Variants in SIRT1 observed in about 807,000 individuals in gnomAD.
The protein encoded by SIRT1 is NAD-dependent protein deacetylase sirtuin-1.
SIRT1 carries 24 observed loss-of-function variants against 67.9 expected under a neutral mutation model. The observed-to-expected ratio is 0.35, with a 90% CI of 0.26 to 0.50. The LOEUF (loss-of-function observed/expected upper bound fraction) is 0.50. SIRT1 is among the 20% of genes least tolerant of loss of function. The pLI, the probability that SIRT1 is intolerant of heterozygous loss-of-function variation, is 0.98. For synonymous variants in SIRT1, 378 were observed against 350.7 expected (o/e 1.08, Z -0.87); for missense variants, 873 against 937.2 (o/e 0.93, Z 0.89).
chr10:67,911,217 C>T (rs1190240093), intron 7 of SIRT1, among the ~76,000 whole-genome samples: 4 of 152,086 alleles, frequency 2.6e-5, no homozygotes, highest in African/African-American at 9.7e-5. Flanking sequence ...TTTTTAGAGA[C>T]GGGTGTCTTG....
chr10:67,909,520 A>T, intron 7 of SIRT1, 78 bp downstream of exon 7: 1 of 1,169,200 alleles, frequency 8.6e-7, no homozygotes, highest in Non-Finnish European at 1.2e-6. Context: ...AGACGCTAGT[A>T]ATCTTAACTC....
Position 67,884,989 on chromosome 10 carries a change from C to T in SIRT1, c.268C>T (p.Gln90Ter). ...AGAGGCGGCGGCGGCAGGCGGGGAG[C>T]AAGAGGCCCAGGCGACTGCGGCGGC... is the stretch of plus-strand genomic sequence containing the variant. ...EAEAAAAGGE[Q>*]EAQATAAAGE... The change falls in exon 1 of 9, where the codon CAA (glutamine) becomes TAA (stop). Residue 90 changes from glutamine (Q) to a stop codon, truncating the protein, a stop_gained. Coordinates refer to ENST00000212015, the MANE Select transcript of SIRT1 (RefSeq NM_012238.5). LOFTEE classifies it high-confidence loss of function. 7.8e-7 allele frequency: 1 copy of T among 1,274,130 alleles called. No individual in the cohort carries two copies. The highest frequency in any genetic ancestry group is 9.9e-7 in the Non-Finnish European group (1 of 1,006,498). 78.9% of individuals were successfully genotyped at this position (1,274,130 alleles called of 1,614,324 possible).
rs983419468 is a variant in SIRT1, at chr10:67,918,102, A to G, written c.*1509A>G. ...TGTCTCAATCTGAATTTATTTGGCT[A>G]CACTAAAGAATGCAGTATATTTAGT... is the stretch of plus-strand genomic sequence containing the variant. On this transcript the variant is annotated 3_prime_UTR_variant, in exon 9 of 9. Transcript: ENST00000212015. The G allele has an allele frequency of 1.3e-5, 2 of 152,670 alleles. No homozygotes were observed. The highest frequency in any genetic ancestry group is 2.9e-5 in the Non-Finnish European group (2 of 68,034). The allele number at this position is 152,670 out of a possible 1,614,324, so 9.5% of individuals were successfully genotyped here. A position where few individuals can be genotyped will look rare whatever the true frequency, so the allele number is the denominator to read the frequency against.
chr10:67,892,691 T>C (rs1414131934), intron 4 of SIRT1, among the ~76,000 whole-genome samples: 1 of 152,014 alleles, frequency 6.6e-6, no homozygotes. Flanking sequence ...AACCTCTGCC[T>C]CCCAGGTTCA....
At chr10:67,891,158 A>G (rs896524193) in intron 3 of SIRT1, among the ~76,000 whole-genome samples, 2 of 152,174 alleles carry the variant, frequency 1.3e-5, no homozygotes, top group African/African-American at 4.8e-5. Context: ...AAGGCTTAAA[A>G]TTGGCCTGAC....
chr10:67,905,870 A>G (rs1564890632), intron 4 of SIRT1, among the ~76,000 whole-genome samples: 2 of 152,094 alleles, frequency 1.3e-5, no homozygotes, highest in African/African-American at 4.8e-5. Context: ...TACATATTCC[A>G]CTATTATGGA....
chr10:67,891,188 G>A (rs533022040), intron 3 of SIRT1, among the ~76,000 whole-genome samples: 1 of 152,164 alleles, frequency 6.6e-6, no homozygotes, highest in South Asian at 2.1e-4. Context: ...CCTTATCTGT[G>A]TTAAAGATGG....
intron 4 of SIRT1, among the ~76,000 whole-genome samples, chr10:67,893,527 G>T (rs1589071437): frequency 6.7e-6 from 1 of 149,146 alleles, no homozygotes; most frequent in African/African-American, 2.5e-5. Flanking sequence ...GAATCCAGAA[G>T]TTAATGAACC....
At chr10:67,900,908 T>A (rs1300454628) in intron 4 of SIRT1, among the ~76,000 whole-genome samples, 1 of 152,214 alleles carries the variant, frequency 6.6e-6, no homozygotes, top group African/African-American at 2.4e-5. Context: ...TCAAATTTTA[T>A]TTTTATGGAT....
At chr10:67,902,379 ATTAATT>A (rs1247402825) in intron 4 of SIRT1, among the ~76,000 whole-genome samples, 1 of 152,216 alleles carries the variant, frequency 6.6e-6, no homozygotes, top group Non-Finnish European at 1.5e-5. Context: ...CCTGCTAATA[ATTAATT>A]TTAAATGACT....
intron 6 of SIRT1, 142 bp downstream of exon 6, chr10:67,908,267 G>A (rs1046290853): frequency 1.6e-6 from 1 of 620,928 alleles, no homozygotes; most frequent in Non-Finnish European, 2.7e-6. Context: ...GGGAATTTTG[G>A]TAAAATACAC....
chr10:67,899,178 C>T (rs1046767242), intron 4 of SIRT1, among the ~76,000 whole-genome samples: 7 of 151,872 alleles, frequency 4.6e-5, no homozygotes, highest in Non-Finnish European at 1.0e-4. Context: ...TCTATTAGGG[C>T]TGGGTGCAGT....
chr10:67,898,258 CA>C (rs756541937), intron 4 of SIRT1, among the ~76,000 whole-genome samples: 102 of 66,728 alleles, frequency 1.5e-3, no homozygotes, highest in Admixed American at 2.4e-3. Context: ...GACTCTGTCT[CA>C]AAAAAAAAAA....
rs561471513 is a variant in SIRT1, at chr10:67,889,818, T to A, written c.789+695T>A. On this transcript the variant is annotated intron_variant, in intron 3 of 8. Coordinates refer to ENST00000212015, the MANE Select transcript of SIRT1 (RefSeq NM_012238.5). ...ACAGATAACGATGTAGACAAGTTTG[T>A]TTAACTTAAATTGACCTTGACTCCA... Among the ~76,000 whole-genome samples, 28 of 152,314 alleles carry A rather than the reference T, an allele frequency of 1.8e-4. 1 individual carries two copies. In the South Asian group the frequency reaches 5.8e-3, roughly 32 times the overall value.
chr10:67,898,275 AAAAG>A (rs928261581), intron 4 of SIRT1, among the ~76,000 whole-genome samples: 5 of 149,686 alleles, frequency 3.3e-5, no homozygotes, highest in East Asian at 1.9e-4. Flanking sequence ...AAAAAAAAAG[AAAAG>A]AAAAAAAAAG....
intron 4 of SIRT1, chr10:67,906,416 C>G: frequency 1.1e-6 from 1 of 929,116 alleles, no homozygotes; most frequent in Non-Finnish European, 1.5e-6. Context: ...ACCTTGATAT[C>G]TGTAATTTTA....
chr10:67,901,236 G>C (rs117880377), intron 4 of SIRT1, among the ~76,000 whole-genome samples: 8,169 of 151,874 alleles, frequency 0.054, 311 homozygotes, highest in Middle Eastern at 0.1. Flanking sequence ...GGCCTCAAGC[G>C]ATCCTCCCAC....
At position 67,912,939 on chromosome 10, in the gene SIRT1, G is replaced by C; in HGVS notation, c.1823G>C (p.Gly608Ala). 1 of 1,614,110 alleles carries C rather than the reference G, an allele frequency of 6.2e-7. No homozygotes were observed. The highest frequency in any genetic ancestry group is 8.5e-7 in the Non-Finnish European group (1 of 1,180,014). Reference protein sequence around the residue: ...PDLKNVGSSTGEKNERTSVAG... With the variant: ...PDLKNVGSSTAEKNERTSVAG... ...TTGAAGAATGTTGGTTCTAGTACTG[G>C]GGAGAAAAATGAAAGAACTTCAGTG... The change falls in exon 8 of 9, where the codon GGG (glycine) becomes GCG (alanine). Residue 608 changes from glycine to alanine, a missense_variant. Around this residue, in one of 3 missense-constraint regions of SIRT1, gnomAD observed 295 missense variants for 294.5 expected, o/e 1.00. Coordinates refer to ENST00000212015, the MANE Select transcript of SIRT1 (RefSeq NM_012238.5).
intron 1 of SIRT1, 58 bp downstream of exon 1, chr10:67,885,209 C>T (rs535080353): frequency 3.1e-6 from 4 of 1,285,112 alleles, no homozygotes; most frequent in East Asian, 3.1e-5. Flanking sequence ...CCCCGGGCTC[C>T]TACTGGCCTG....
Sources: gnomAD v4.1 joint callset for allele counts (sites outside exome capture counted in the v4.1 genomes callset) on GRCh38, gnomAD v4.1.1 for gene constraint, gnomAD v4.1.1 regional missense constraint, MANE v1.5 for transcripts, NCBI Gene and HGNC (gene_info 2026-07-23, HGNC 2026-07-21) for gene names.